The following DIP2C variants were observed in gnomAD, a reference collection of about 807,000 sequenced individuals.
DIP2C encodes the protein disco-interacting protein 2 homolog C.
A neutral mutation model predicts 192.4 loss-of-function variants in DIP2C; 33 were observed. The ratio of observed to expected loss-of-function variants is 0.17; its 90% confidence interval spans 0.13 to 0.23. The LOEUF (loss-of-function observed/expected upper bound fraction) is 0.23. Ranked by LOEUF, DIP2C falls within the 10% of genes least tolerant of loss-of-function variation. The probability of loss-of-function intolerance (pLI) is 1.00; values close to 1 mark genes in which losing one functional copy is unlikely to be tolerated. For synonymous variants in DIP2C, 979 were observed against 864.1 expected (o/e 1.13, Z -2.33); for missense variants, 1,537 against 2,110.1 (o/e 0.73, Z 5.32).
chr10:337,833 T>C (rs1205046760), intron 29 of DIP2C, among the ~76,000 whole-genome samples: 1 of 150,976 alleles, frequency 6.6e-6, no homozygotes, highest in East Asian at 2.0e-4. Flanking sequence ...GCTGTGTGTG[T>C]GTGTTGTGGA....
chr10:384,284 T>G, intron 15 of DIP2C, 138 bp from the exon 16 acceptor site: 1 of 1,263,676 alleles, frequency 7.9e-7, no homozygotes. Context: ...TTTTTTTTTT[T>G]TTTTTTTTTT....
rs561522970 is a variant in DIP2C at position 423,309 on chromosome 10, G to A, written c.395-276C>T. ...CACACTGACCCATTTCCTCTACACA[G>A]CAGTTTGGGAAGAAACCAAGTGTTT... On this transcript the variant is annotated intron_variant, in intron 4 of 36. Coordinates refer to ENST00000280886, the MANE Select transcript of DIP2C (RefSeq NM_014974.3). Among the ~76,000 whole-genome samples, 9 of 152,312 alleles carry A rather than the reference G, an allele frequency of 5.9e-5. No homozygotes were observed. The East Asian group carries it at 1.3e-3, about 23-fold the overall frequency.
intron 4 of DIP2C, among the ~76,000 whole-genome samples, chr10:440,439 G>C (rs1268597923): frequency 6.6e-6 from 1 of 152,166 alleles, no homozygotes; most frequent in Non-Finnish European, 1.5e-5. Flanking sequence ...CCCGTGATTT[G>C]GGTAACTGCC....
intron 6 of DIP2C, among the ~76,000 whole-genome samples, chr10:417,657 T>TAC (rs1564684563): frequency 0.02 from 266 of 13,408 alleles, 16 homozygotes; most frequent in African/African-American, 0.045. Flanking sequence ...CCTGTCCACC[T>TAC]GTTCCTGTCA....
chr10:349,870 A>G (rs898864064), intron 24 of DIP2C, among the ~76,000 whole-genome samples: 17 of 152,238 alleles, frequency 1.1e-4, no homozygotes, highest in Non-Finnish European at 2.1e-4. Flanking sequence ...TTTTATTTAG[A>G]AAGACCACAT....
intron 1 of DIP2C, among the ~76,000 whole-genome samples, chr10:657,055 C>T (rs375309348): frequency 6.6e-6 from 1 of 151,926 alleles, no homozygotes; most frequent in African/African-American, 2.4e-5. Context: ...GCCACTGGAC[C>T]TGACACTGGA....
Position 356,450 on chromosome 10 carries a change from G to A in DIP2C, c.2961C>T (p.Ile987=), listed in dbSNP as rs114855069. The change falls in exon 24 of 37, where the codon ATC becomes ATT. Residue 987 remains isoleucine (I), a synonymous_variant. Transcript: ENST00000280886. ...CCCGACAGTTGAGCAGCGTGTAGAG[G>A]ATGTGGTCCGGGGTGGTCTGTGCTC... The part of the protein sequence containing the change: ...QWRAQTTPDH[I]LYTLLNCRGA... The A allele has an allele frequency of 1.2e-6, 2 of 1,611,918 alleles. No homozygotes were observed. The highest frequency in any genetic ancestry group is 2.2e-5 in the East Asian group (1 of 44,882).
At chr10:324,064 T>C (rs1408580420) in intron 31 of DIP2C, among the ~76,000 whole-genome samples, 1 of 152,214 alleles carries the variant, frequency 6.6e-6, no homozygotes, top group Non-Finnish European at 1.5e-5. Flanking sequence ...TGTGCTCTGC[T>C]GAAGCGTTCC....
chr10:317,260 C>T (rs950493432), intron 31 of DIP2C, among the ~76,000 whole-genome samples: 1 of 152,238 alleles, frequency 6.6e-6, no homozygotes, highest in African/African-American at 2.4e-5. Flanking sequence ...CTCAGGCCGT[C>T]TACCAGCAAG....
rs536495450 is a variant in DIP2C at position 481,196 on chromosome 10, C to T, written c.157+5263G>A. Among the ~76,000 whole-genome samples, 276 of 152,374 alleles carry T rather than the reference C, an allele frequency of 1.8e-3. 2 individuals are homozygous for T. The highest frequency in any genetic ancestry group is 3.1e-3 in the Non-Finnish European group (210 of 68,038). ...TGACACGAGGAATCAGAACAACCAA[C>T]GGCCAGCCCAGGTGAACAGGCCAGG... is the stretch of plus-strand genomic sequence containing the variant. On this transcript the variant is annotated intron_variant, in intron 2 of 36. Coordinates refer to ENST00000280886, the MANE Select transcript of DIP2C (RefSeq NM_014974.3).
chr10:629,558 A>T (rs1854393980), intron 1 of DIP2C, among the ~76,000 whole-genome samples: 1 of 152,300 alleles, frequency 6.6e-6, no homozygotes, highest in South Asian at 2.1e-4. Flanking sequence ...CAGAGTGGAG[A>T]CCACAGCCTC....
At chr10:378,461 A>G (rs1375261106) in intron 17 of DIP2C, among the ~76,000 whole-genome samples, 3 of 152,294 alleles carry the variant, frequency 2.0e-5, no homozygotes, top group South Asian at 4.1e-4. Context: ...GAACACAAAC[A>G]TGCCTAGACA....
intron 31 of DIP2C, among the ~76,000 whole-genome samples, chr10:315,467 G>T (rs1956737907): frequency 6.6e-6 from 1 of 152,136 alleles, no homozygotes; most frequent in South Asian, 2.1e-4. Flanking sequence ...CATTCTGAAG[G>T]ATCTCCTGCA....
At chr10:314,144 A>C (rs192332931) in intron 31 of DIP2C, among the ~76,000 whole-genome samples, 33 of 152,302 alleles carry the variant, frequency 2.2e-4, no homozygotes, top group Non-Finnish European at 4.0e-4. Context: ...TTGTACTCCT[A>C]TTTCCAGAAG....
At chr10:339,512 T>C (rs779176952) in intron 29 of DIP2C, among the ~76,000 whole-genome samples, 2 of 152,154 alleles carry the variant, frequency 1.3e-5, no homozygotes, top group Non-Finnish European at 2.9e-5. Flanking sequence ...CTGGTTTCCA[T>C]GGGGAGCCAG....
chr10:318,003 C>T (rs1956849851), intron 31 of DIP2C, among the ~76,000 whole-genome samples: 1 of 152,170 alleles, frequency 6.6e-6, no homozygotes, highest in Admixed American at 6.5e-5. Flanking sequence ...CATGGTAATT[C>T]CAGAGGCTTC....
At chr10:451,659 A>G (rs909548543) in intron 3 of DIP2C, among the ~76,000 whole-genome samples, 6 of 152,220 alleles carry the variant, frequency 3.9e-5, no homozygotes, top group African/African-American at 9.6e-5. Flanking sequence ...TGACAAGATG[A>G]CAACGTATTG....
chr10:638,778 G>A (rs1854975242), intron 1 of DIP2C, among the ~76,000 whole-genome samples: 1 of 152,218 alleles, frequency 6.6e-6, no homozygotes, highest in Admixed American at 6.5e-5. Flanking sequence ...CTAGAAGGCT[G>A]AAGTCTGCAG....
At chr10:383,282 C>T (rs1962544225) in intron 16 of DIP2C, among the ~76,000 whole-genome samples, 1 of 152,112 alleles carries the variant, frequency 6.6e-6, no homozygotes, top group Non-Finnish European at 1.5e-5. Context: ...TTTATAAAAC[C>T]TGTTTATGAG....
Sources: allele counts gnomAD v4.1 joint callset (sites outside exome capture counted in the v4.1 genomes callset), GRCh38; gene constraint gnomAD v4.1.1; transcripts MANE v1.5; gene names NCBI Gene and HGNC (gene_info 2026-07-23, HGNC 2026-07-21).